The following ANKS1A variants were observed in gnomAD, a reference collection of about 807,000 sequenced individuals.
The protein encoded by ANKS1A is ankyrin repeat and SAM domain-containing protein 1A.
Under a neutral mutation model 120.3 loss-of-function variants are expected in ANKS1A, and 55 were observed. The observed-to-expected ratio is 0.46, with a 90% confidence interval of 0.37 to 0.57. The LOEUF is 0.57. ANKS1A is among the 20% of genes least tolerant of loss of function. ANKS1A has a pLI of 0.00. For missense variants in ANKS1A, 1,123 were observed against 1,480.3 expected (o/e 0.76, Z 3.96); for synonymous variants, 590 against 604.7 (o/e 0.98, Z 0.36).
intron 14 of ANKS1A, 82 bp from the exon 15 acceptor site, chr6:35,079,434 T>C (rs2127606739): frequency 6.4e-7 from 1 of 1,559,680 alleles, no homozygotes; most frequent in East Asian, 2.2e-5. Context: ...ACAGTCTGTG[T>C]GAGCTGGCTG....
chr6:35,043,327 G>C (rs574432659), intron 11 of ANKS1A, among the ~76,000 whole-genome samples: 8 of 152,334 alleles, frequency 5.3e-5, no homozygotes, highest in Admixed American at 2.6e-4. Context: ...CTGGACAGAG[G>C]CAGTGATAAA....
downstream of ANKS1A, among the ~76,000 whole-genome samples, chr6:35,092,330 G>A (rs1158464041): frequency 6.6e-6 from 1 of 152,158 alleles, no homozygotes; most frequent in African/African-American, 2.4e-5. Flanking sequence ...CACTTATCTA[G>A]TTCAGTACCC....
intron 12 of ANKS1A, among the ~76,000 whole-genome samples, chr6:35,056,991 G>A (rs1776256267): frequency 6.6e-6 from 1 of 151,990 alleles, no homozygotes; most frequent in African/African-American, 2.4e-5. Flanking sequence ...ATTGTCCTTG[G>A]GTTGGGCGTC....
chr6:34,983,795 T>G (rs1341185036), intron 7 of ANKS1A, among the ~76,000 whole-genome samples: 1 of 150,752 alleles, frequency 6.6e-6, no homozygotes, highest in African/African-American at 2.4e-5. Context: ...AATAAATTTT[T>G]TTTTTTTTTT....
intron 1 of ANKS1A, among the ~76,000 whole-genome samples, chr6:34,947,946 A>G (rs898478915): frequency 2.0e-5 from 3 of 152,236 alleles, no homozygotes; most frequent in Non-Finnish European, 4.4e-5. Context: ...AGGTCCTGAG[A>G]CAGGCTCTGG....
intron 1 of ANKS1A, among the ~76,000 whole-genome samples, chr6:34,906,642 A>G (rs1488479313): frequency 2.0e-5 from 3 of 152,256 alleles, no homozygotes; most frequent in Admixed American, 1.3e-4. Context: ...CACCATTAGC[A>G]TACCATAGTA....
chr6:34,959,691 A>G (rs1159984121), intron 1 of ANKS1A, among the ~76,000 whole-genome samples: 1 of 152,116 alleles, frequency 6.6e-6, no homozygotes, highest in Non-Finnish European at 1.5e-5. Flanking sequence ...TAAATATCCC[A>G]TTTGTCTTGC....
intron 11 of ANKS1A, among the ~76,000 whole-genome samples, chr6:35,048,687 G>A (rs574551844): frequency 6.6e-6 from 1 of 152,300 alleles, no homozygotes; most frequent in East Asian, 1.9e-4. Flanking sequence ...GCTGCTAAGA[G>A]GCAGAAGACA....
chr6:34,927,536 A>C (rs1214490023), intron 1 of ANKS1A, among the ~76,000 whole-genome samples: 1 of 151,986 alleles, frequency 6.6e-6, no homozygotes, highest in Non-Finnish European at 1.5e-5. Context: ...CAAGCAGATG[A>C]GTCAAGTGTG....
chr6:35,093,804 C>G (rs1352963287), downstream of ANKS1A, among the ~76,000 whole-genome samples: 2 of 152,178 alleles, frequency 1.3e-5, no homozygotes, highest in Non-Finnish European at 2.9e-5. Flanking sequence ...AATAACTGCT[C>G]TACTCCAGCC....
At position 35,086,012 on chromosome 6, in the gene ANKS1A, G is replaced by A. The variant is rs564670715; in HGVS notation, c.3303+76G>A. 3.6e-5 allele frequency: 53 copies of A among 1,486,926 alleles called. No individual in the cohort carries two copies. The Admixed American group carries it at 9.9e-4, about 28-fold the overall frequency. The allele number at this position is 1,486,926 out of a possible 1,614,324, so 92.1% of individuals were successfully genotyped here. On this transcript the variant is annotated intron_variant, in intron 22 of 23. Coordinates refer to ENST00000360359, the MANE Select transcript of ANKS1A (RefSeq NM_015245.3). The surrounding 1 kb of genome is among the most constrained non-coding windows in gnomAD (Gnocchi z 5.1). ...CAAGGGCTCAGGGTGGTCAGCGTGA[G>A]GAGGGTCTTCTGGCACTTCCAGAAA...
At chr6:34,960,890 A>T (rs1770602623) in intron 1 of ANKS1A, among the ~76,000 whole-genome samples, 2 of 152,210 alleles carry the variant, frequency 1.3e-5, no homozygotes, top group Admixed American at 1.3e-4. Flanking sequence ...TAGTGTGGAA[A>T]ATCAAGTGAA....
rs768979285 is a variant in ANKS1A at position 35,044,598 on chromosome 6, G to A, written c.2011-9501G>A. Among the ~76,000 whole-genome samples the A allele has an allele frequency of 2.6e-5, 4 of 152,166 alleles. No individual in the cohort carries two copies. The highest frequency in any genetic ancestry group is 1.9e-4 in the East Asian group (1 of 5,196). Reference sequence around the variant, plus strand: ...CCCAAGAGCTGCCTTGTAGAAAGGCGTCACTCCCTCACATAAAACGTTTTG... The same window carrying A: ...CCCAAGAGCTGCCTTGTAGAAAGGCATCACTCCCTCACATAAAACGTTTTG... On this transcript the variant is annotated intron_variant, in intron 11 of 23. Transcript: ENST00000360359. The surrounding 1 kb of genome is among the most constrained non-coding windows in gnomAD (Gnocchi z 4.4).
rs188476357 is a variant in ANKS1A at position 34,983,361 on chromosome 6, T to C, written c.948T>C (p.Asp316=). 14 of 1,613,904 alleles carry C rather than the reference T, an allele frequency of 8.7e-6. No homozygotes were observed. Among genetic ancestry groups the C allele is most frequent in the Non-Finnish European group, 1.2e-5 (14 of 1,179,976 alleles). ...GAAAAAGAAGTACAAAAGAAGTAGA[T>C]AAAACCCCCCCACCCCAGCCACCTC... ...MTGKRSTKEV[D]KTPPPQPPLI... Residue 316 remains aspartate (D), a synonymous_variant, in exon 7 of 24, where the codon GAT becomes GAC. Coordinates refer to ENST00000360359, the MANE Select transcript of ANKS1A (RefSeq NM_015245.3).
At chr6:34,915,589 C>T (rs749143751) in intron 1 of ANKS1A, among the ~76,000 whole-genome samples, 1 of 152,080 alleles carries the variant, frequency 6.6e-6, no homozygotes, top group Admixed American at 6.5e-5. Flanking sequence ...TTAAGCAGTC[C>T]TCCTGCATCA....
chr6:34,988,134 G>A (rs1196495261), intron 8 of ANKS1A, among the ~76,000 whole-genome samples: 1 of 152,198 alleles, frequency 6.6e-6, no homozygotes, highest in Non-Finnish European at 1.5e-5. Context: ...GTTGGCAAAC[G>A]ACAGTCCACA....
At chr6:34,985,333 G>T in intron 8 of ANKS1A, 55 bp downstream of exon 8, 1 of 1,548,566 alleles carries the variant, frequency 6.5e-7, no homozygotes, top group South Asian at 1.2e-5. Context: ...GCTGGCCCCT[G>T]AGGTGATGGG....
At chr6:35,083,606 T>C in intron 20 of ANKS1A, 103 bp downstream of exon 20, 1 of 1,105,134 alleles carries the variant, frequency 9.0e-7, no homozygotes, top group South Asian at 1.3e-5. Context: ...TCATCTCTTA[T>C]CTCCCTAGAG....
intron 1 of ANKS1A, among the ~76,000 whole-genome samples, chr6:34,921,882 A>T (rs994785905): frequency 6.6e-6 from 1 of 152,148 alleles, no homozygotes; most frequent in African/African-American, 2.4e-5. Flanking sequence ...TTTTTTGTAG[A>T]GACAGGTCTC....
Sources: allele counts gnomAD v4.1 joint callset (sites outside exome capture counted in the v4.1 genomes callset), GRCh38; gene constraint gnomAD v4.1.1; non-coding constraint Gnocchi (gnomAD v3.1); transcripts MANE v1.5; gene names NCBI Gene and HGNC (gene_info 2026-07-23, HGNC 2026-07-21).